CRACDL: variants seen among roughly 807,000 people sequenced by gnomAD.
CRACDL encodes CRACD like.
A neutral mutation model predicts 70.6 loss-of-function variants in CRACDL; 26 were observed. That is an observed-to-expected ratio of 0.37 (90% CI 0.27 to 0.51). CRACDL has a LOEUF of 0.51. Among genes scored for constraint, CRACDL ranks in the 20% least tolerant of loss-of-function variants. CRACDL has a pLI of 0.94. For synonymous variants in CRACDL, 618 were observed against 615.2 expected (o/e 1.00, Z -0.07); for missense variants, 1,283 against 1,376.9 (o/e 0.93, Z 1.08).
Position 98,823,059 on chromosome 2 carries a change from G to A in CRACDL, c.1214C>T (p.Ala405Val), listed in dbSNP as rs769046322. The A allele has an allele frequency of 1.3e-6, 2 of 1,567,680 alleles. No homozygotes were observed. Among genetic ancestry groups the A allele is most frequent in the South Asian group, 2.3e-5 (2 of 85,300 alleles). The change falls in exon 7 of 10, where the codon GCC becomes GTC. Residue 405 changes from alanine to valine, a missense_variant. By Grantham distance (64) the Ala-to-Val change is moderately conservative. Coordinates refer to ENST00000397899, the MANE Select transcript of CRACDL (RefSeq NM_207362.3). This position sits in a 1 kb window ranked among gnomAD's most constrained non-coding sequence, Gnocchi z 4.0. ...PEDVASPFPTAIPEGDTTPPE... is the reference protein window; with the variant it reads ...PEDVASPFPTVIPEGDTTPPE... ...GGGAGTCGTGTCCCCCTCAGGGATG[G>A]CGGTGGGAAACGGGCTCGCGACGTC...
chr2:98,821,794 A>C, intron 7 of CRACDL, 63 bp downstream of exon 7: 1 of 1,565,784 alleles, frequency 6.4e-7, no homozygotes, highest in Non-Finnish European at 8.6e-7. Flanking sequence ...GTCCAGCAAG[A>C]TGTGCCCGTG....
chr2:98,838,653 C>G (rs1197690589), intron 2 of CRACDL, among the ~76,000 whole-genome samples: 1 of 152,078 alleles, frequency 6.6e-6, no homozygotes, highest in Non-Finnish European at 1.5e-5. Context: ...AGTGACAGAG[C>G]AAGACCCTCT....
At position 98,822,045 on chromosome 2, in the gene CRACDL, CTGGGGGCCCTGG is replaced by C; in HGVS notation, c.2216_2227del (p.Thr739_Pro742del). On this transcript the variant is annotated inframe_deletion, in exon 7 of 10. Transcript: ENST00000397899. This position sits in a 1 kb window ranked among gnomAD's most constrained non-coding sequence, Gnocchi z 4.9. Reference sequence around the variant, plus strand: ...CCGGGCCTTCCCCTTTCCTTGGTCGCTGGGGGCCCTGGTGCCTCGAAGGGCGGGGGCCGTCCC... The same window carrying C: ...CCGGGCCTTCCCCTTTCCTTGGTCGCTGCCTCGAAGGGCGGGGGCCGTCCC... 1 of 1,546,280 alleles carries C rather than the reference CTGGGGGCCCTGG, an allele frequency of 6.5e-7. No homozygotes were observed. The highest frequency in any genetic ancestry group is 1.4e-5 in the African/African-American group (1 of 72,970).
intron 7 of CRACDL, among the ~76,000 whole-genome samples, chr2:98,812,056 A>C (rs1575333741): frequency 6.6e-6 from 1 of 150,408 alleles, no homozygotes; most frequent in South Asian, 2.1e-4. Flanking sequence ...GCTCACTGCA[A>C]CCTCCACCTC....
chr2:98,809,264 C>T (rs1704453878), intron 7 of CRACDL, among the ~76,000 whole-genome samples: 2 of 151,874 alleles, frequency 1.3e-5, no homozygotes, highest in South Asian at 4.2e-4. Context: ...AAGGTTTTGT[C>T]CTGCCTGGGC....
At chr2:98,880,918 G>A (rs1357507873) in intron 1 of CRACDL, among the ~76,000 whole-genome samples, 2 of 152,346 alleles carry the variant, frequency 1.3e-5, no homozygotes, top group South Asian at 2.1e-4. Context: ...GGCTGCTGTG[G>A]CTGAAGGAGA....
chr2:98,914,017 A>T (rs72813035), intron 1 of CRACDL, among the ~76,000 whole-genome samples: 1 of 152,328 alleles, frequency 6.6e-6, no homozygotes, highest in Non-Finnish European at 1.5e-5. Flanking sequence ...CAGAATGGGC[A>T]TTGTATGTGC....
intron 1 of CRACDL, among the ~76,000 whole-genome samples, chr2:98,896,496 G>C (rs1708128687): frequency 6.6e-6 from 1 of 152,130 alleles, no homozygotes. Flanking sequence ...CACCTTAAGG[G>C]GCAAGTCTGG....
At chr2:98,837,830 T>C (rs958177692) in intron 3 of CRACDL, among the ~76,000 whole-genome samples, 5 of 152,192 alleles carry the variant, frequency 3.3e-5, no homozygotes, top group African/African-American at 1.2e-4. Flanking sequence ...CCTGATCCTG[T>C]CACTTTCAGC....
intron 1 of CRACDL, among the ~76,000 whole-genome samples, chr2:98,852,429 C>T (rs938166020): frequency 6.6e-6 from 1 of 151,984 alleles, no homozygotes; most frequent in African/African-American, 2.4e-5. Flanking sequence ...ACAATGTCTA[C>T]CATATAATCA....
chr2:98,795,466 A>G (rs1482040617), intron 9 of CRACDL, among the ~76,000 whole-genome samples: 1 of 152,224 alleles, frequency 6.6e-6, no homozygotes, highest in Non-Finnish European at 1.5e-5. Flanking sequence ...AAAAGGGTAC[A>G]TACGTTAGGA....
Position 98,794,381 on chromosome 2 carries a change from T to C in CRACDL, c.*151A>G. On this transcript the variant is annotated 3_prime_UTR_variant, in exon 10 of 10. Coordinates refer to ENST00000397899, the MANE Select transcript of CRACDL (RefSeq NM_207362.3). Reference sequence around the variant, plus strand: ...GGCTGTGTGTTTATCCTCTTTGTTTTGCCTGGTTCCTTCCTCTTCCCCAAG... The same window carrying C: ...GGCTGTGTGTTTATCCTCTTTGTTTCGCCTGGTTCCTTCCTCTTCCCCAAG... 2 of 663,264 alleles carry C rather than the reference T, an allele frequency of 3.0e-6. No individual in the cohort carries two copies. Among genetic ancestry groups the C allele is most frequent in the East Asian group, 5.4e-5 (2 of 37,088 alleles). The allele number at this position is 663,264 out of a possible 1,614,324, so 41.1% of individuals were successfully genotyped here. A position where few individuals can be genotyped will look rare whatever the true frequency, so the allele number is the denominator to read the frequency against.
intron 1 of CRACDL, among the ~76,000 whole-genome samples, chr2:98,863,484 A>G (rs972277986): frequency 1.3e-5 from 2 of 152,350 alleles, no homozygotes; most frequent in South Asian, 4.1e-4. Context: ...AAAAGTAAAT[A>G]CACGGGAATT....
rs186257725 is a variant in CRACDL, at chr2:98,799,742, A to G, written c.2417-2205T>C. 4.1e-4 allele frequency among the ~76,000 whole-genome samples: 62 copies of G among 151,284 alleles called. 1 individual carries two copies. In the East Asian group the frequency reaches 0.011, roughly 26 times the overall value. On this transcript the variant is annotated intron_variant, in intron 7 of 9. Coordinates refer to ENST00000397899, the MANE Select transcript of CRACDL (RefSeq NM_207362.3). ...GCTGAACCAGCCACGAGTTGACACC[A>G]CTCCTTCCATCCTCCCAACCACCCA...
At chr2:98,896,499 A>T (rs575565654) in intron 1 of CRACDL, among the ~76,000 whole-genome samples, 1 of 152,310 alleles carries the variant, frequency 6.6e-6, no homozygotes, top group African/African-American at 2.4e-5. Flanking sequence ...CTTAAGGGGC[A>T]AGTCTGGGGC....
intron 1 of CRACDL, among the ~76,000 whole-genome samples, chr2:98,889,285 GAGAAAGAA>G (rs55635946): frequency 0.053 from 7,540 of 140,938 alleles, 234 homozygotes; most frequent in Non-Finnish European, 0.074. Flanking sequence ...GAAAAAGAGA[GAGAAAGAA>G]AGAAAGAAAG....
chr2:98,922,292 G>A (rs1449335599), intron 1 of CRACDL, among the ~76,000 whole-genome samples: 1 of 151,500 alleles, frequency 6.6e-6, no homozygotes, highest in Non-Finnish European at 1.5e-5. Context: ...ATACACCCAT[G>A]CACCGGGCAT....
intron 1 of CRACDL, among the ~76,000 whole-genome samples, chr2:98,877,679 G>A (rs1353061536): frequency 1.3e-5 from 2 of 152,034 alleles, no homozygotes; most frequent in Admixed American, 6.5e-5. Context: ...AACCTGGGAG[G>A]AGGAGGTTGC....
intron 1 of CRACDL, among the ~76,000 whole-genome samples, chr2:98,916,329 C>T (rs1324136161): frequency 2.6e-5 from 4 of 152,108 alleles, no homozygotes; most frequent in African/African-American, 9.7e-5. Context: ...AGGGGTTGCC[C>T]TACAGGGGAT....
Sources: gnomAD v4.1 joint callset for allele counts (sites outside exome capture counted in the v4.1 genomes callset) on GRCh38, gnomAD v4.1.1 for gene constraint, Gnocchi (gnomAD v3.1) non-coding constraint, MANE v1.5 for transcripts, NCBI Gene and HGNC (gene_info 2026-07-23, HGNC 2026-07-21) for gene names.